The following LRRC41 variants were observed in gnomAD, a reference collection of about 807,000 sequenced individuals.
LRRC41 encodes leucine-rich repeat-containing protein 41.
Under a neutral mutation model 72.1 loss-of-function variants are expected in LRRC41, and 17 were observed. The ratio of observed to expected loss-of-function variants is 0.24; its 90% CI spans 0.16 to 0.35. The LOEUF (loss-of-function observed/expected upper bound fraction) is 0.35, where lower values mean the gene tolerates loss of function less well. LRRC41 is among the 10% of genes least tolerant of loss of function. The probability of loss-of-function intolerance (pLI) is 1.00; values close to 1 mark genes in which losing one functional copy is unlikely to be tolerated. For synonymous variants in LRRC41, 427 were observed against 431.0 expected (o/e 0.99, Z 0.11); for missense variants, 759 against 1,065.0 (o/e 0.71, Z 4.00).
At position 46,281,381 on chromosome 1, in the gene LRRC41, C is replaced by T. The variant is rs1557712872; in HGVS notation, c.1500G>A (p.Leu500=). 3 of 1,614,092 alleles carry T rather than the reference C, an allele frequency of 1.9e-6. No individual in the cohort carries two copies. Among genetic ancestry groups the T allele is most frequent in the Non-Finnish European group, 2.5e-6 (3 of 1,179,968 alleles). The change falls in exon 5 of 10, where the codon CTG becomes CTA. Residue 500 remains leucine (L), a synonymous_variant. Transcript: ENST00000617190. ...CTAGCAGGCGGAAGATGTTAGAGCC[C>T]AGGCCTATGGCAAGAAAGAGATTAA... is the stretch of plus-strand genomic sequence containing the variant. ...LESLTLSYNG[L]GSNIFRLLDS...
Position 46,280,575 on chromosome 1 carries a change from G to C in LRRC41, c.1757-15C>G, listed in dbSNP as rs1456652961. Reference sequence around the variant, plus strand: ...CAGGCAGTTTTCTGGATATGGTGGGGAAAGAAGATTCCAGCTGGCCATCTC... The same window carrying C: ...CAGGCAGTTTTCTGGATATGGTGGGCAAAGAAGATTCCAGCTGGCCATCTC... On this transcript the variant is annotated splice_polypyrimidine_tract_variant and intron_variant, in intron 5 of 9. Coordinates refer to ENST00000617190, the MANE Select transcript of LRRC41 (RefSeq NM_006369.5). The C allele has an allele frequency of 1.2e-6, 2 of 1,611,596 alleles. No individual in the cohort carries two copies.
Position 46,302,391 on chromosome 1 carries a change from A to T in LRRC41, c.199+733T>A. On this transcript the variant is annotated intron_variant, in intron 1 of 9. Transcript: ENST00000617190. The surrounding 1 kb of genome is among the most constrained non-coding windows in gnomAD (Gnocchi z 4.7). ...CGGTCCCTCCTCGCCGCTCGAGCCG[A>T]TCCGAGTGGCCTCCGGCGCTCCCTG... is the stretch of plus-strand genomic sequence containing the variant. 1.0e-6 allele frequency: 1 copy of T among 984,876 alleles called. No homozygotes were observed. The highest frequency in any genetic ancestry group is 4.7e-5 in the South Asian group (1 of 21,260). The allele number at this position is 984,876 out of a possible 1,614,324, so 61.0% of individuals were successfully genotyped here. A position where few individuals can be genotyped will look rare whatever the true frequency, so the allele number is the denominator to read the frequency against.
Position 46,277,977 on chromosome 1 carries a change from A to G in LRRC41, c.*888T>C, listed in dbSNP as rs759016379. On this transcript the variant is annotated 3_prime_UTR_variant, in exon 10 of 10. Coordinates refer to ENST00000617190, the MANE Select transcript of LRRC41 (RefSeq NM_006369.5). Reference sequence around the variant, plus strand: ...GAAGCTAGCCTCAGTGACACACATGACAGGTGGGGAAGTGCCCTAACCATT... The same window carrying G: ...GAAGCTAGCCTCAGTGACACACATGGCAGGTGGGGAAGTGCCCTAACCATT... 1 of 1,614,162 alleles carries G rather than the reference A, an allele frequency of 6.2e-7. No homozygotes were observed. Among genetic ancestry groups the G allele is most frequent in the Non-Finnish European group, 8.5e-7 (1 of 1,180,018 alleles).
Position 46,279,371 on chromosome 1 carries a change from A to G in LRRC41, c.2144-114T>C, listed in dbSNP as rs775998476. 8.2e-6 allele frequency: 13 copies of G among 1,583,200 alleles called. No individual in the cohort carries two copies. On this transcript the variant is annotated intron_variant, in intron 8 of 9. Coordinates refer to ENST00000617190, the MANE Select transcript of LRRC41 (RefSeq NM_006369.5). The surrounding 1 kb of genome is among the most constrained non-coding windows in gnomAD (Gnocchi z 4.5). Reference sequence around the variant, plus strand: ...CTGCTGGTTCCTGAAGCCCCAGCACAGAAATATCTGTATTCCAACTCCCAC... The same window carrying G: ...CTGCTGGTTCCTGAAGCCCCAGCACGGAAATATCTGTATTCCAACTCCCAC...
At chr1:46,303,073 T>G in intron 1 of LRRC41, 51 bp downstream of exon 1, 1 of 1,328,448 alleles carries the variant, frequency 7.5e-7, no homozygotes, top group Non-Finnish European at 9.6e-7. Flanking sequence ...CCCCGGCCGC[T>G]GGGCCGCCCC....
At chr1:46,293,394 CA>C (rs923938971) in intron 3 of LRRC41, among the ~76,000 whole-genome samples, 3 of 151,988 alleles carry the variant, frequency 2.0e-5, no homozygotes, top group African/African-American at 7.2e-5. Context: ...CGCACACCAG[CA>C]CCCCCAGCTA....
intron 6 of LRRC41, 39 bp from the exon 7 acceptor site, chr1:46,280,329 CT>C (rs1660744958): frequency 6.2e-7 from 1 of 1,612,308 alleles, no homozygotes; most frequent in Non-Finnish European, 8.5e-7. Context: ...TGGACCTTAG[CT>C]TTCCTAGAGA....
intron 3 of LRRC41, among the ~76,000 whole-genome samples, chr1:46,290,473 A>T (rs1162742835): frequency 6.6e-6 from 1 of 152,224 alleles, no homozygotes; most frequent in African/African-American, 2.4e-5. Flanking sequence ...TGTTTTTACA[A>T]CATTGAGACA....
At chr1:46,282,366 A>C (rs1053202635) in intron 4 of LRRC41, among the ~76,000 whole-genome samples, 1 of 152,256 alleles carries the variant, frequency 6.6e-6, no homozygotes, top group Non-Finnish European at 1.5e-5. Context: ...TTGGTTGCTT[A>C]ATGCCACAGG....
chr1:46,279,291 C>G lies in LRRC41; in HGVS notation c.2144-34G>C. On this transcript the variant is annotated intron_variant, in intron 8 of 9. Transcript: ENST00000617190. This position sits in a 1 kb window ranked among gnomAD's most constrained non-coding sequence, Gnocchi z 4.5. ...AAGGGGAGAACGCCTATCACCTCCA[C>G]CCAAGAACAGGGGACAAGGGTATCC... 1 of 1,609,924 alleles carries G rather than the reference C, an allele frequency of 6.2e-7. No individual in the cohort carries two copies. Among genetic ancestry groups the G allele is most frequent in the African/African-American group, 1.3e-5 (1 of 74,902 alleles).
intron 4 of LRRC41, among the ~76,000 whole-genome samples, chr1:46,282,116 A>G (rs184467334): frequency 1.3e-5 from 2 of 152,142 alleles, no homozygotes; most frequent in Admixed American, 1.3e-4. Flanking sequence ...AGTGCAAGGC[A>G]TGAATGAGAC....
chr1:46,283,777 G>A (rs183168327), intron 4 of LRRC41, among the ~76,000 whole-genome samples: 71 of 151,410 alleles, frequency 4.7e-4, no homozygotes, highest in Admixed American at 1.1e-3. Flanking sequence ...GCAGTGGCAC[G>A]ATCTCCAGTC....
At chr1:46,289,975 G>A (rs954448187) in intron 3 of LRRC41, among the ~76,000 whole-genome samples, 1 of 152,152 alleles carries the variant, frequency 6.6e-6, no homozygotes, top group African/African-American at 2.4e-5. Context: ...GGGCTGGTAG[G>A]GGAAGAGGAA....
intron 1 of LRRC41, among the ~76,000 whole-genome samples, chr1:46,300,976 C>G (rs1557720077): frequency 6.6e-6 from 1 of 152,150 alleles, no homozygotes; most frequent in African/African-American, 2.4e-5. Flanking sequence ...GCTGGGGGCT[C>G]AGCCAGTAAT....
Position 46,303,158 on chromosome 1 carries a change from G to T in LRRC41, c.165C>A (p.Ser55Arg). 6.5e-7 allele frequency: 1 copy of T among 1,530,602 alleles called. No individual in the cohort carries two copies. 94.8% of individuals were successfully genotyped at this position (1,530,602 alleles called of 1,614,324 possible). The change falls in exon 1 of 10, where the codon AGC (serine) becomes AGA (arginine). Residue 55 changes from serine (S) to arginine (R), a missense_variant. By Grantham distance (110) the Ser-to-Arg change is moderately radical. Transcript: ENST00000617190. ...ALFELCGRAV[S>R]AHMGVLESGV... is the part of the protein sequence containing the mutation. ...CGCTCTCCAGAACCCCCATATGGGC[G>T]CTCACCGCCCGCCCGCACAGCTCGA...
intron 4 of LRRC41, chr1:46,284,573 A>AT (rs1660846265): frequency 6.6e-6 from 1 of 152,170 alleles, no homozygotes; most frequent in African/African-American, 2.4e-5. Context: ...AGGTGGGAGA[A>AT]TTAGCCTTAG....
chr1:46,287,239 G>T (rs1374801666), intron 3 of LRRC41, among the ~76,000 whole-genome samples: 3 of 152,156 alleles, frequency 2.0e-5, no homozygotes, highest in Non-Finnish European at 4.4e-5. Context: ...CTCCCGAGTA[G>T]CTGGGACTAC....
intron 3 of LRRC41, among the ~76,000 whole-genome samples, chr1:46,293,714 T>C (rs549599539): frequency 2.0e-5 from 3 of 152,054 alleles, no homozygotes; most frequent in East Asian, 1.9e-4. Context: ...GGATTACAGG[T>C]GTGTGCCACC....
At chr1:46,288,595 A>G (rs974685939) in intron 3 of LRRC41, among the ~76,000 whole-genome samples, 5 of 152,206 alleles carry the variant, frequency 3.3e-5, no homozygotes, top group African/African-American at 1.2e-4. Flanking sequence ...CCCTGCCTCC[A>G]TGCATTCCTC....
Sources: allele counts gnomAD v4.1 joint callset (sites outside exome capture counted in the v4.1 genomes callset), GRCh38; gene constraint gnomAD v4.1.1; non-coding constraint Gnocchi (gnomAD v3.1); transcripts MANE v1.5; gene names NCBI Gene and HGNC (gene_info 2026-07-23, HGNC 2026-07-21).